Variants in AFG1L observed in about 807,000 individuals in gnomAD.
The protein encoded by AFG1L is AFG1-like ATPase.
In AFG1L, 53 loss-of-function variants were observed where a neutral mutation model predicts 62.2. The ratio of observed to expected loss-of-function variants is 0.85; its 90% CI spans 0.68 to 1.07. The LOEUF is 1.07. Ranked by LOEUF, AFG1L falls within the 50% of genes least tolerant of loss-of-function variation. The pLI is 0.00. For synonymous variants in AFG1L, 228 were observed against 210.3 expected (o/e 1.08, Z -0.73); for missense variants, 555 against 590.5 (o/e 0.94, Z 0.62).
intron 10 of AFG1L, among the ~76,000 whole-genome samples, chr6:108,491,919 C>T (rs1773791243): frequency 6.6e-6 from 1 of 152,102 alleles, no homozygotes; most frequent in South Asian, 2.1e-4. Context: ...AATATCCAAG[C>T]CTGAGAGAGT....
intron 1 of AFG1L, among the ~76,000 whole-genome samples, chr6:108,319,173 A>T (rs138282372): frequency 1.5e-3 from 235 of 152,352 alleles, no homozygotes; most frequent in African/African-American, 4.4e-3. Context: ...AGATGCCAAG[A>T]TAAACAGTAC....
At chr6:108,508,111 C>A (rs1309958833) in intron 10 of AFG1L, among the ~76,000 whole-genome samples, 1 of 152,144 alleles carries the variant, frequency 6.6e-6, no homozygotes, top group Non-Finnish European at 1.5e-5. Context: ...GGAATCAAAT[C>A]CCCATTTTAC....
At chr6:108,477,944 T>G (rs1372244683) in intron 10 of AFG1L, among the ~76,000 whole-genome samples, 1 of 152,232 alleles carries the variant, frequency 6.6e-6, no homozygotes, top group African/African-American at 2.4e-5. Context: ...TCAATGTATT[T>G]ATTGATTGCA....
intron 2 of AFG1L, 134 bp from the exon 3 acceptor site, chr6:108,346,854 T>A (rs1778881735): frequency 1.5e-6 from 1 of 650,588 alleles, no homozygotes; most frequent in Non-Finnish European, 2.7e-6. Context: ...CACTTTTATA[T>A]CAAGTTTTTT....
At chr6:108,367,420 G>A (rs1186872085) in intron 6 of AFG1L, among the ~76,000 whole-genome samples, 1 of 152,110 alleles carries the variant, frequency 6.6e-6, no homozygotes, top group Non-Finnish European at 1.5e-5. Flanking sequence ...CCAAGGGGAG[G>A]GGAGGTGATG....
chr6:108,387,809 C>T (rs1467760601), intron 6 of AFG1L: 2 of 152,088 alleles, frequency 1.3e-5, no homozygotes, highest in African/African-American at 4.8e-5. Flanking sequence ...AAGGAGAAGT[C>T]AGAGAAAGAT....
intron 7 of AFG1L, among the ~76,000 whole-genome samples, chr6:108,446,263 T>A (rs1453750830): frequency 6.6e-6 from 1 of 152,014 alleles, no homozygotes; most frequent in Non-Finnish European, 1.5e-5. Context: ...AAGGAGCACT[T>A]GGGAGAAGAG....
intron 7 of AFG1L, among the ~76,000 whole-genome samples, chr6:108,412,714 C>T (rs1782172795): frequency 1.3e-5 from 2 of 152,160 alleles, no homozygotes; most frequent in African/African-American, 2.4e-5. Context: ...CAAACAACTG[C>T]TGACAGGTTT....
At chr6:108,300,355 T>A (rs1402480198) in intron 1 of AFG1L, among the ~76,000 whole-genome samples, 2 of 152,202 alleles carry the variant, frequency 1.3e-5, no homozygotes, top group African/African-American at 4.8e-5. Flanking sequence ...TTTCGCCATG[T>A]TGGCCAGGCT....
chr6:108,358,358 C>T (rs969557110), intron 5 of AFG1L, among the ~76,000 whole-genome samples: 2 of 152,250 alleles, frequency 1.3e-5, no homozygotes, highest in East Asian at 3.9e-4. Flanking sequence ...CCGTAGTTTA[C>T]AATGTGTTTT....
rs533806563 is a variant in AFG1L, at chr6:108,473,352, T to A, written c.891-3513T>A. 3.3e-5 allele frequency among the ~76,000 whole-genome samples: 5 copies of A among 152,234 alleles called. No homozygotes were observed. In the South Asian group the frequency reaches 1.0e-3, roughly 32 times the overall value. On this transcript the variant is annotated intron_variant, in intron 8 of 12. Transcript: ENST00000368977. ...ATAAAGAAATCACCACTGAGGAAGATTGCAAGGAATTATTTATTCACCAAA... is the reference window on the plus strand; with the variant it reads ...ATAAAGAAATCACCACTGAGGAAGAATGCAAGGAATTATTTATTCACCAAA...
At chr6:108,319,712 G>A (rs1441523923) in intron 1 of AFG1L, 1 of 375,284 alleles carries the variant, frequency 2.7e-6, no homozygotes, top group Non-Finnish European at 5.3e-6. Context: ...GGTTTCAAGG[G>A]ATCCTCCTGC....
intron 7 of AFG1L, among the ~76,000 whole-genome samples, chr6:108,419,889 A>T (rs1770511391): frequency 6.6e-6 from 1 of 152,128 alleles, no homozygotes; most frequent in African/African-American, 2.4e-5. Context: ...TTTGATTATA[A>T]CCCTTAGATA....
intron 8 of AFG1L, among the ~76,000 whole-genome samples, chr6:108,470,931 T>C (rs1032163821): frequency 6.6e-6 from 1 of 152,214 alleles, no homozygotes; most frequent in African/African-American, 2.4e-5. Context: ...ACAGCCCAGC[T>C]CCAAGGGGAC....
chr6:108,371,735 C>CA (rs1255537733), intron 6 of AFG1L, among the ~76,000 whole-genome samples: 1 of 151,972 alleles, frequency 6.6e-6, no homozygotes, highest in East Asian at 1.9e-4. Flanking sequence ...CTGGCAGTCT[C>CA]AAAATGTTTA....
chr6:108,297,939 T>G (rs1178112109), intron 1 of AFG1L, among the ~76,000 whole-genome samples: 2 of 151,512 alleles, frequency 1.3e-5, no homozygotes, highest in African/African-American at 4.8e-5. Flanking sequence ...GAGAGGCATA[T>G]GGAATTATGG....
intron 8 of AFG1L, among the ~76,000 whole-genome samples, chr6:108,459,178 C>T (rs1346974341): frequency 6.6e-6 from 1 of 152,194 alleles, no homozygotes; most frequent in Non-Finnish European, 1.5e-5. Context: ...CAGTTTAGTA[C>T]TCAACTAAAG....
At chr6:108,394,349 A>G (rs1001180610) in intron 6 of AFG1L, among the ~76,000 whole-genome samples, 2 of 151,904 alleles carry the variant, frequency 1.3e-5, no homozygotes, top group African/African-American at 2.4e-5. Context: ...GGGTTTCACC[A>G]TGTTGGTCAG....
intron 11 of AFG1L, among the ~76,000 whole-genome samples, chr6:108,512,107 TCCCA>T (rs1217267210): frequency 6.6e-6 from 1 of 152,166 alleles, no homozygotes; most frequent in Non-Finnish European, 1.5e-5. Context: ...GCTCACCCAT[TCCCA>T]CCCCAGCAAA....
Sources: gnomAD v4.1 joint callset for allele counts (sites outside exome capture counted in the v4.1 genomes callset) on GRCh38, gnomAD v4.1.1 for gene constraint, MANE v1.5 for transcripts, NCBI Gene and HGNC (gene_info 2026-07-23, HGNC 2026-07-21) for gene names.